TRMT9B: variants seen among roughly 807,000 people sequenced by gnomAD.
The protein encoded by TRMT9B is probable tRNA methyltransferase 9B.
TRMT9B carries 16 observed loss-of-function variants against 11.5 expected under a neutral mutation model. The ratio of observed to expected loss-of-function variants is 1.39; its 90% CI spans 0.94 to 2.11. TRMT9B has a LOEUF of 2.11. Among genes scored for constraint, TRMT9B ranks in the 30% most tolerant of loss-of-function variants. The pLI is 0.00. For missense variants in TRMT9B, 941 were observed against 553.8 expected (o/e 1.70, Z -7.02); for synonymous variants, 274 against 192.4 (o/e 1.42, Z -3.51).
chr8:12,972,672 G>A (rs979316571), intron 1 of TRMT9B, among the ~76,000 whole-genome samples: 3 of 152,122 alleles, frequency 2.0e-5, no homozygotes, highest in Non-Finnish European at 4.4e-5. Flanking sequence ...CGGTGTGTAG[G>A]AGGGAGTGTT....
At chr8:12,994,225 A>C (rs907469197) in intron 2 of TRMT9B, among the ~76,000 whole-genome samples, 1 of 152,212 alleles carries the variant, frequency 6.6e-6, no homozygotes, top group Non-Finnish European at 1.5e-5. Context: ...ATGTGTGTGC[A>C]TGGTCTCAGG....
chr8:12,967,903 A>G (rs1209911959), intron 1 of TRMT9B, among the ~76,000 whole-genome samples: 2 of 152,094 alleles, frequency 1.3e-5, no homozygotes, highest in Non-Finnish European at 2.9e-5. Context: ...TTGTTTACTT[A>G]TTTACTTTCT....
At position 13,023,943 on chromosome 8, in the gene TRMT9B, A is replaced by G. The variant is rs560273262; in HGVS notation, c.*1899A>G. 13 of 166,732 alleles carry G rather than the reference A, an allele frequency of 7.8e-5. No individual in the cohort carries two copies. Among genetic ancestry groups the G allele is most frequent in the African/African-American group, 2.4e-4 (10 of 41,476 alleles). The allele number at this position is 166,732 out of a possible 1,614,324, so 10.3% of individuals were successfully genotyped here. Reference sequence around the variant, plus strand: ...AGGTTGTCTGGTGAAAATGATGCATATGAGTTGTACTGTTCAGTGTACATC... The same window carrying G: ...AGGTTGTCTGGTGAAAATGATGCATGTGAGTTGTACTGTTCAGTGTACATC... On this transcript the variant is annotated 3_prime_UTR_variant, in exon 5 of 5. Coordinates refer to ENST00000524591, the MANE Select transcript of TRMT9B (RefSeq NM_020844.3).
chr8:12,978,885 C>G (rs1324088477), intron 1 of TRMT9B, among the ~76,000 whole-genome samples: 4 of 152,206 alleles, frequency 2.6e-5, no homozygotes, highest in Non-Finnish European at 5.9e-5. Context: ...TTACATTTCT[C>G]TCTCTTTGGC....
At position 13,012,533 on chromosome 8, in the gene TRMT9B, C is replaced by T. The variant is rs1811825426; in HGVS notation, c.155-151C>T. The T allele has an allele frequency of 4.0e-6, 4 of 993,000 alleles. No homozygotes were observed. In the South Asian group the frequency reaches 7.9e-5, roughly 20 times the overall value. 61.5% of individuals were successfully genotyped at this position (993,000 alleles called of 1,614,324 possible). Reference sequence around the variant, plus strand: ...GAGGTTGCAGTGAACCGAGATTGCGCCACTGCACTCCAGCCTGGGTGACTG... The same window carrying T: ...GAGGTTGCAGTGAACCGAGATTGCGTCACTGCACTCCAGCCTGGGTGACTG... On this transcript the variant is annotated intron_variant, in intron 3 of 4. Coordinates refer to ENST00000524591, the MANE Select transcript of TRMT9B (RefSeq NM_020844.3).
intron 3 of TRMT9B, among the ~76,000 whole-genome samples, chr8:13,008,691 G>A (rs1810961519): frequency 6.6e-6 from 1 of 152,138 alleles, no homozygotes; most frequent in South Asian, 2.1e-4. Flanking sequence ...ATCAAACTAA[G>A]TAAAAATATC....
intron 1 of TRMT9B, among the ~76,000 whole-genome samples, chr8:12,984,731 A>G (rs951092128): frequency 1.3e-5 from 2 of 152,128 alleles, no homozygotes; most frequent in African/African-American, 4.8e-5. Flanking sequence ...GCCGGGCGCT[A>G]TATTTTCATT....
intron 1 of TRMT9B, chr8:12,952,732 A>G (rs1048840481): frequency 1.0e-6 from 1 of 966,482 alleles, no homozygotes; most frequent in Non-Finnish European, 1.2e-6. Context: ...ATTACTTGCT[A>G]TGTGTGGGGT....
At chr8:12,990,366 C>A (rs1335283576) in intron 1 of TRMT9B, among the ~76,000 whole-genome samples, 2 of 151,992 alleles carry the variant, frequency 1.3e-5, no homozygotes, top group Non-Finnish European at 2.9e-5. Flanking sequence ...GGTTTCATAA[C>A]AAACTCTTAT....
intron 1 of TRMT9B, among the ~76,000 whole-genome samples, chr8:12,967,919 A>G (rs1325006730): frequency 7.2e-5 from 11 of 152,238 alleles, no homozygotes; most frequent in Non-Finnish European, 1.3e-4. Context: ...TTTCTGAGAC[A>G]GGCTCTTGCT....
At chr8:12,972,493 G>C (rs190178519) in intron 1 of TRMT9B, among the ~76,000 whole-genome samples, 2 of 152,190 alleles carry the variant, frequency 1.3e-5, no homozygotes, top group African/African-American at 4.8e-5. Context: ...CGCTGCCAGG[G>C]TGAAGGGCTG....
intron 1 of TRMT9B, chr8:12,952,402 G>C: frequency 2.2e-5 from 7 of 311,968 alleles, no homozygotes; most frequent in South Asian, 1.2e-4. Flanking sequence ...GCCCGGGGTG[G>C]CTGTTTACCT....
intron 4 of TRMT9B, among the ~76,000 whole-genome samples, chr8:13,015,485 G>A (rs1368546640): frequency 6.6e-6 from 1 of 152,010 alleles, no homozygotes; most frequent in Non-Finnish European, 1.5e-5. Flanking sequence ...CCAAGTAGCT[G>A]GGACTACAAG....
rs551033931 is a variant in TRMT9B at position 13,001,598 on chromosome 8, T to A, written c.-1-4604T>A. ...ACACTAAATTAACATTTCCACAGTG[T>A]CTTCTACAGAATATTATTTCCTAAA... On this transcript the variant is annotated intron_variant, in intron 2 of 4. Coordinates refer to ENST00000524591, the MANE Select transcript of TRMT9B (RefSeq NM_020844.3). 3.9e-5 allele frequency among the ~76,000 whole-genome samples: 6 copies of A among 152,326 alleles called. No homozygotes were observed. In the South Asian group the frequency reaches 1.2e-3, roughly 32 times the overall value.
chr8:13,022,633 A>C lies in TRMT9B; in HGVS notation c.*589A>C, dbSNP rs1327931245. ...ACAAGGACTTTACTAAATTATAAGCAAACTTGCTTCAAAATAAGTTGACAT... is the reference window on the plus strand; with the variant it reads ...ACAAGGACTTTACTAAATTATAAGCCAACTTGCTTCAAAATAAGTTGACAT... On this transcript the variant is annotated 3_prime_UTR_variant, in exon 5 of 5. Coordinates refer to ENST00000524591, the MANE Select transcript of TRMT9B (RefSeq NM_020844.3). 6.0e-6 allele frequency: 1 copy of C among 167,142 alleles called. No homozygotes were observed. The highest frequency in any genetic ancestry group is 2.4e-5 in the African/African-American group (1 of 41,468). The allele number at this position is 167,142 out of a possible 1,614,324, so 10.4% of individuals were successfully genotyped here.
chr8:12,991,420 T>C (rs1807311233), intron 2 of TRMT9B, among the ~76,000 whole-genome samples: 1 of 152,344 alleles, frequency 6.6e-6, no homozygotes, highest in South Asian at 2.1e-4. Context: ...ATTAGGTCTT[T>C]TTTATAATGT....
chr8:12,988,673 G>A (rs1806765217), intron 1 of TRMT9B, among the ~76,000 whole-genome samples: 1 of 152,194 alleles, frequency 6.6e-6, no homozygotes, highest in African/African-American at 2.4e-5. Flanking sequence ...AGAACAGCAT[G>A]AGGGTAACCA....
chr8:13,011,391 G>C (rs1811584448), intron 3 of TRMT9B: 3 of 985,350 alleles, frequency 3.0e-6, no homozygotes, highest in Non-Finnish European at 3.6e-6. Flanking sequence ...CTAGTAAGGA[G>C]GGGTTATTAG....
At position 13,027,384 on chromosome 8, in the gene TRMT9B, C is replaced by A. The variant is rs1030253766; in HGVS notation, c.*5340C>A. ...TGCATATTAGCATATTTAAGGAGTA[C>A]CCTAAAGCTTGGACTTAATCTAGCT... On this transcript the variant is annotated 3_prime_UTR_variant, in exon 5 of 5. Transcript: ENST00000524591. 6.6e-5 allele frequency: 11 copies of A among 167,010 alleles called. No homozygotes were observed. The highest frequency in any genetic ancestry group is 1.2e-4 in the Non-Finnish European group (8 of 68,110). The allele number at this position is 167,010 out of a possible 1,614,324, so 10.3% of individuals were successfully genotyped here. A position where few individuals can be genotyped will look rare whatever the true frequency, so the allele number is the denominator to read the frequency against.
Sources: allele counts gnomAD v4.1 joint callset (sites outside exome capture counted in the v4.1 genomes callset), GRCh38; gene constraint gnomAD v4.1.1; transcripts MANE v1.5; gene names NCBI Gene and HGNC (gene_info 2026-07-23, HGNC 2026-07-21).